ATP8A2: variants seen among roughly 807,000 people sequenced by gnomAD.
The protein encoded by ATP8A2 is ATPase phospholipid transporting 8A2.
In ATP8A2, 100 loss-of-function variants were observed where a neutral mutation model predicts 165.6. The ratio of observed to expected loss-of-function variants is 0.60; its 90% CI spans 0.51 to 0.71. ATP8A2 has a LOEUF of 0.71. ATP8A2 is among the 30% of genes least tolerant of loss of function. ATP8A2 has a pLI of 0.00. For synonymous variants in ATP8A2, 543 were observed against 548.8 expected, an observed-to-expected ratio of 0.99 and a Z score of 0.15; for missense variants, 1,227 against 1,479.5, an observed-to-expected ratio of 0.83 and a Z score of 2.80.
chr13:25,424,727 G>A (rs931957223), intron 1 of ATP8A2, among the ~76,000 whole-genome samples: 2 of 152,168 alleles, frequency 1.3e-5, no homozygotes, highest in African/African-American at 4.8e-5. Flanking sequence ...GGAAGCCCAG[G>A]TGGGCAGATC....
In ATP8A2 at chr13:25,623,017, T is replaced by C. The variant is rs114338171; in HGVS notation, c.2211+33318T>C. 5.0e-3 allele frequency among the ~76,000 whole-genome samples: 756 copies of C among 152,272 alleles called. 7 individuals carry two copies. Among genetic ancestry groups the C allele is most frequent in the African/African-American group, 0.018 (732 of 41,558 alleles). The stretch of plus-strand genomic sequence containing the variant: ...ATTTAATATTTTGTTATAAATTAAG[T>C]AATGAGCAACTGAATTTTAAAGAAT... On this transcript the variant is annotated intron_variant, in intron 24 of 36. Transcript: ENST00000381655.
intron 33 of ATP8A2, among the ~76,000 whole-genome samples, chr13:25,949,690 C>T (rs889452740): frequency 1.1e-4 from 16 of 152,316 alleles, no homozygotes; most frequent in African/African-American, 3.8e-4. Flanking sequence ...CAGCCCTTCC[C>T]GTGGCTCCAG....
intron 27 of ATP8A2, among the ~76,000 whole-genome samples, chr13:25,810,738 G>T (rs994722926): frequency 6.6e-6 from 1 of 152,126 alleles, no homozygotes; most frequent in East Asian, 1.9e-4. Context: ...CTCACTGAGA[G>T]CAATAGGGTG....
chr13:25,820,045 G>T (rs1007783778), intron 27 of ATP8A2, among the ~76,000 whole-genome samples: 2 of 152,154 alleles, frequency 1.3e-5, no homozygotes, highest in African/African-American at 4.8e-5. Context: ...AGAAGAACAG[G>T]TCATCCCTTT....
intron 27 of ATP8A2, among the ~76,000 whole-genome samples, chr13:25,799,617 G>C (rs1950577986): frequency 6.6e-6 from 1 of 152,192 alleles, no homozygotes. Flanking sequence ...GTGGGCTGCA[G>C]AAGAGCCTGG....
Position 25,372,481 on chromosome 13 carries a change from G to T in ATP8A2, c.76+193G>T, listed in dbSNP as rs2032446140. Among the ~76,000 whole-genome samples the T allele has an allele frequency of 6.6e-6, 1 of 152,180 alleles. No homozygotes were observed. The highest frequency in any genetic ancestry group is 1.5e-5 in the Non-Finnish European group (1 of 68,004). On this transcript the variant is annotated intron_variant, in intron 1 of 36. Coordinates refer to ENST00000381655, the MANE Select transcript of ATP8A2 (RefSeq NM_016529.6). The surrounding 1 kb of genome is among the most constrained non-coding windows in gnomAD (Gnocchi z 4.8). ...GGCTGGGCGTCGCTGCACCTGCGGG[G>T]CCAAAAGGCTCCAGGCCGGGGCGAG...
chr13:25,581,767 G>C, intron 22 of ATP8A2, 52 bp from the exon 23 acceptor site: 1 of 1,538,568 alleles, frequency 6.5e-7, no homozygotes, highest in Non-Finnish European at 9.0e-7. Flanking sequence ...ATTTGTTAGT[G>C]CTGTTCTTAA....
At chr13:25,914,697 C>A (rs1438326532) in intron 33 of ATP8A2, among the ~76,000 whole-genome samples, 1 of 152,220 alleles carries the variant, frequency 6.6e-6, no homozygotes, top group African/African-American at 2.4e-5. Flanking sequence ...TTATGGTACA[C>A]CCCTGTCACT....
At chr13:25,944,039 T>A (rs1955143767) in intron 33 of ATP8A2, among the ~76,000 whole-genome samples, 1 of 152,154 alleles carries the variant, frequency 6.6e-6, no homozygotes, top group Admixed American at 6.5e-5. Context: ...AATAATTAAT[T>A]TATGTATGGT....
intron 35 of ATP8A2, among the ~76,000 whole-genome samples, chr13:26,005,324 G>A (rs75907718): frequency 0.019 from 2,940 of 151,910 alleles, 92 homozygotes; most frequent in African/African-American, 0.065. Flanking sequence ...CTTTATTTGC[G>A]TCTCTCCTTT....
At chr13:25,617,567 G>T (rs1472717141) in intron 24 of ATP8A2, among the ~76,000 whole-genome samples, 1 of 152,148 alleles carries the variant, frequency 6.6e-6, no homozygotes, top group Non-Finnish European at 1.5e-5. Flanking sequence ...ACTCTTTTAA[G>T]TTCGGTACAG....
At chr13:25,387,740 A>G (rs2033108126) in intron 1 of ATP8A2, among the ~76,000 whole-genome samples, 1 of 152,060 alleles carries the variant, frequency 6.6e-6, no homozygotes, top group Non-Finnish European at 1.5e-5. Flanking sequence ...TCGTTCTTTA[A>G]TCTGCAAATG....
At chr13:25,982,137 C>A (rs893769336) in intron 35 of ATP8A2, among the ~76,000 whole-genome samples, 3 of 152,216 alleles carry the variant, frequency 2.0e-5, no homozygotes, top group Non-Finnish European at 2.9e-5. Context: ...GTTGCCCAGA[C>A]CTTTTGCCCT....
chr13:26,001,039 C>A lies in ATP8A2; in HGVS notation c.3378-11492C>A, dbSNP rs542111523. Among the ~76,000 whole-genome samples the A allele has an allele frequency of 2.0e-5, 3 of 152,294 alleles. 1 individual carries two copies. Among genetic ancestry groups the A allele is most frequent in the Admixed American group, 1.3e-4 (2 of 15,300 alleles). Reference sequence around the variant, plus strand: ...GACGCAGTCCTTCCCACTTCCTTTCCCCCACCTCCCTGCCCTACAGCCCCT... The same window carrying A: ...GACGCAGTCCTTCCCACTTCCTTTCACCCACCTCCCTGCCCTACAGCCCCT... On this transcript the variant is annotated intron_variant, in intron 35 of 36. Coordinates refer to ENST00000381655, the MANE Select transcript of ATP8A2 (RefSeq NM_016529.6).
At chr13:25,472,427 C>T (rs1223650993) in intron 2 of ATP8A2, among the ~76,000 whole-genome samples, 3 of 151,014 alleles carry the variant, frequency 2.0e-5, no homozygotes, top group African/African-American at 7.3e-5. Flanking sequence ...TATAAAGCTT[C>T]TTAGCATTAT....
At chr13:25,578,522 A>C (rs1054811091) in intron 20 of ATP8A2, among the ~76,000 whole-genome samples, 3 of 152,172 alleles carry the variant, frequency 2.0e-5, no homozygotes, top group Non-Finnish European at 4.4e-5. Flanking sequence ...GAGTTTTGCA[A>C]ATTTTGGTGA....
intron 24 of ATP8A2, among the ~76,000 whole-genome samples, chr13:25,643,857 A>G (rs991394199): frequency 7.9e-5 from 12 of 151,870 alleles, no homozygotes; most frequent in African/African-American, 2.4e-4. Context: ...TAGCATGGAC[A>G]ATTTAACAAT....
At chr13:25,527,057 A>G (rs2037864323) in intron 2 of ATP8A2, among the ~76,000 whole-genome samples, 1 of 151,804 alleles carries the variant, frequency 6.6e-6, no homozygotes, top group Non-Finnish European at 1.5e-5. Flanking sequence ...GGCACTGAGA[A>G]CTGTCTCATC....
intron 2 of ATP8A2, among the ~76,000 whole-genome samples, chr13:25,489,036 G>A (rs939904841): frequency 6.6e-6 from 1 of 151,906 alleles, no homozygotes; most frequent in African/African-American, 2.4e-5. Context: ...CTGCTTTTTT[G>A]TTGAGTGGAT....
Sources: gnomAD v4.1 joint callset for allele counts (sites outside exome capture counted in the v4.1 genomes callset) on GRCh38, gnomAD v4.1.1 for gene constraint, Gnocchi (gnomAD v3.1) non-coding constraint, MANE v1.5 for transcripts, NCBI Gene and HGNC (gene_info 2026-07-23, HGNC 2026-07-21) for gene names.